Variants in BMP8B observed in about 807,000 individuals in gnomAD.
BMP8B encodes bone morphogenetic protein 8 (osteogenic protein 2).
Under a neutral mutation model 30.3 loss-of-function variants are expected in BMP8B, and 17 were observed. That is an observed-to-expected ratio of 0.56 (90% CI 0.38 to 0.84). The LOEUF is 0.84. Among genes scored for constraint, BMP8B ranks in the 40% least tolerant of loss-of-function variants. The pLI, the probability that BMP8B is intolerant of heterozygous loss-of-function variation, is 0.00. For missense variants in BMP8B, 253 were observed against 494.6 expected, an observed-to-expected ratio of 0.51 and a Z score of 4.63; for synonymous variants, 131 against 214.7, an observed-to-expected ratio of 0.61 and a Z score of 3.41.
rs1032084062 is a variant in BMP8B, at chr1:39,769,571, A to G, written c.673+4737T>C. ...TAAAGTCGCAGCTCTCTAGAGGAGCACTGTCCACCTAGGGAGGAAAGTAGG... is the reference window on the plus strand; with the variant it reads ...TAAAGTCGCAGCTCTCTAGAGGAGCGCTGTCCACCTAGGGAGGAAAGTAGG... On this transcript the variant is annotated intron_variant, in intron 3 of 6. Coordinates refer to ENST00000372827, the MANE Select transcript of BMP8B (RefSeq NM_001720.5). The G allele has an allele frequency of 1.1e-4, 149 of 1,312,646 alleles. 1 individual carries two copies. The highest frequency in any genetic ancestry group is 1.4e-4 in the Non-Finnish European group (140 of 991,832). 81.3% of individuals were successfully genotyped at this position (1,312,646 alleles called of 1,614,324 possible). A position where few individuals can be genotyped will look rare whatever the true frequency, so the allele number is the denominator to read the frequency against.
chr1:39,782,245 T>G, intron 1 of BMP8B, among the ~76,000 whole-genome samples: 1 of 151,472 alleles, frequency 6.6e-6, no homozygotes, highest in East Asian at 1.9e-4. Context: ...AGCGACTCAA[T>G]GCTGAAGAGA....
intron 6 of BMP8B, chr1:39,761,358 T>C (rs965484927): frequency 2.6e-5 from 4 of 152,594 alleles, no homozygotes; most frequent in African/African-American, 9.7e-5. Flanking sequence ...CCCGTCCAGC[T>C]GCCATCACCT....
chr1:39,760,744 G>A (rs1437723725), intron 6 of BMP8B, among the ~76,000 whole-genome samples, 176 bp from the exon 7 acceptor site: 3 of 152,140 alleles, frequency 2.0e-5, no homozygotes, highest in Non-Finnish European at 2.9e-5. Context: ...GGCTCCAGGA[G>A]TGGGAGCTGT....
At chr1:39,763,409 T>TCCCCAGCCG (rs1649309059) in intron 5 of BMP8B, among the ~76,000 whole-genome samples, 2 of 103,098 alleles carry the variant, frequency 1.9e-5, no homozygotes, top group Non-Finnish European at 5.1e-5. Context: ...GGCCCTCCCC[T>TCCCCAGCCG]GCCCACGCCT....
chr1:39,762,486 T>A (rs982644340), intron 6 of BMP8B: 2 of 1,541,396 alleles, frequency 1.3e-6, no homozygotes, highest in Admixed American at 2.0e-5. Flanking sequence ...GCACCAGTGA[T>A]CCCATCAGAA....
intron 1 of BMP8B, among the ~76,000 whole-genome samples, chr1:39,787,681 G>A (rs972777320): frequency 4.6e-5 from 7 of 152,166 alleles, no homozygotes; most frequent in Admixed American, 1.3e-4. Flanking sequence ...GCTCCGCACA[G>A]AGAAGAGCCT....
chr1:39,788,373 G>A lies in BMP8B; in HGVS notation c.113C>T (p.Ala38Val), dbSNP rs1303553839. 27 of 1,126,524 alleles carry A rather than the reference G, an allele frequency of 2.4e-5. No individual in the cohort carries two copies. Among genetic ancestry groups the A allele is most frequent in the Non-Finnish European group, 2.9e-5 (27 of 923,524 alleles). The allele number at this position is 1,126,524 out of a possible 1,614,324, so 69.8% of individuals were successfully genotyped here. A position where few individuals can be genotyped will look rare whatever the true frequency, so the allele number is the denominator to read the frequency against. Residue 38 changes from alanine to valine, a missense_variant, in exon 1 of 7, where the codon GCG becomes GTG. Coordinates refer to ENST00000372827, the MANE Select transcript of BMP8B (RefSeq NM_001720.5). The surrounding 1 kb of genome is among the most constrained non-coding windows in gnomAD (Gnocchi z 5.8). The stretch of plus-strand genomic sequence containing the variant: ...GCGCTGCACGTCCCGGCGCTCGCGC[G>A]CGCCCAGACGTCGCTGGGGACAGCC... The part of the protein sequence containing the change: ...PPGCPQRRLG[A>V]RERRDVQREI...
intron 6 of BMP8B, chr1:39,762,600 A>G (rs770658014): frequency 3.0e-5 from 47 of 1,550,158 alleles, no homozygotes; most frequent in African/African-American, 6.8e-5. Context: ...GGAAAAGCCA[A>G]AAGGTTGAGA....
intron 3 of BMP8B, chr1:39,771,314 GC>G (rs1290839938): frequency 7.1e-7 from 1 of 1,416,828 alleles, no homozygotes; most frequent in Non-Finnish European, 9.2e-7. Context: ...GCCTCGGGCC[GC>G]GCGTCACAGA....
intron 6 of BMP8B, among the ~76,000 whole-genome samples, chr1:39,760,818 T>A (rs1420281498): frequency 6.6e-6 from 1 of 152,108 alleles, no homozygotes; most frequent in Admixed American, 6.5e-5. Flanking sequence ...GGCAAGGCGC[T>A]AATGAGGGGC....
chr1:39,763,198 C>G lies in BMP8B; in HGVS notation c.953G>C (p.Trp318Ser). 1 of 1,611,622 alleles carries G rather than the reference C, an allele frequency of 6.2e-7. No homozygotes were observed. Among genetic ancestry groups the G allele is most frequent in the South Asian group, 1.1e-5 (1 of 90,838 alleles). ...CGAGTAGCCTTGGGGAGCGATGACC[C>G]AGTCCTGGGGGGCAAGGGAGAAGGT... ...VSFQDLGWLDWVIAPQGYSAY... is the reference protein window; with the variant it reads ...VSFQDLGWLDSVIAPQGYSAY... The change falls in exon 6 of 7, where the codon TGG (tryptophan) becomes TCG (serine). Residue 318 changes from tryptophan (W) to serine (S), a missense_variant. Physicochemically the swap from Trp to Ser is radical, Grantham distance 177 (BLOSUM62 -3). This residue lies in a region of BMP8B where 116 missense variants were observed against 142.3 expected (regional missense o/e 0.81). Coordinates refer to ENST00000372827, the MANE Select transcript of BMP8B (RefSeq NM_001720.5).
intron 5 of BMP8B, 43 bp downstream of exon 5, chr1:39,763,669 G>A (rs774203801): frequency 6.4e-7 from 1 of 1,572,362 alleles, no homozygotes; most frequent in Non-Finnish European, 8.7e-7. Flanking sequence ...CTGATCTACA[G>A]GTGGTGATTG....
chr1:39,763,648 C>A lies in BMP8B; in HGVS notation c.948+64G>T. ...TCACCATGATTCTATGTCCTCCCTG[C>A]AGATTCACTTCTGATCTACAGGTGG... On this transcript the variant is annotated intron_variant, in intron 5 of 6. Coordinates refer to ENST00000372827, the MANE Select transcript of BMP8B (RefSeq NM_001720.5). 3.2e-6 allele frequency: 5 copies of A among 1,540,124 alleles called. No homozygotes were observed. The South Asian group carries it at 4.6e-5, about 14-fold the overall frequency.
chr1:39,764,132 T>C (rs148162385), intron 4 of BMP8B, among the ~76,000 whole-genome samples: 1 of 151,952 alleles, frequency 6.6e-6, no homozygotes, highest in Non-Finnish European at 1.5e-5. Flanking sequence ...GCCCACCCTC[T>C]CCTGCCACAC....
At position 39,760,271 on chromosome 1, in the gene BMP8B, A is replaced by G. The variant is rs1648755594; in HGVS notation, c.*148T>C. On this transcript the variant is annotated 3_prime_UTR_variant, in exon 7 of 7. Coordinates refer to ENST00000372827, the MANE Select transcript of BMP8B (RefSeq NM_001720.5). ...GGCAAGGGGAGCATAGGAGCCTGGC[A>G]TGAAGGAGAAAGGGTCATGTACGTG... The G allele has an allele frequency of 3.9e-6, 5 of 1,295,828 alleles. No homozygotes were observed. The highest frequency in any genetic ancestry group is 5.2e-6 in the Non-Finnish European group (5 of 958,264). 80.3% of individuals were successfully genotyped at this position (1,295,828 alleles called of 1,614,324 possible). A position where few individuals can be genotyped will look rare whatever the true frequency, so the allele number is the denominator to read the frequency against.
At chr1:39,770,466 T>C (rs767458770) in intron 3 of BMP8B, 2 of 1,609,952 alleles carry the variant, frequency 1.2e-6, no homozygotes, top group African/African-American at 2.7e-5. Context: ...TCTACATAAA[T>C]GTTAGGAACG....
At chr1:39,778,391 T>C (rs1569846511) in intron 1 of BMP8B, among the ~76,000 whole-genome samples, 1 of 151,078 alleles carries the variant, frequency 6.6e-6, no homozygotes, top group African/African-American at 2.4e-5. Context: ...GCAAAGGCGG[T>C]GGGGCAGGGG....
chr1:39,775,434 C>T (rs1650156861), intron 1 of BMP8B, among the ~76,000 whole-genome samples: 2 of 152,306 alleles, frequency 1.3e-5, no homozygotes, highest in Non-Finnish European at 2.9e-5. Flanking sequence ...CAGAAAAGGG[C>T]CCCAGCCCTG....
chr1:39,760,555 ATCATC>A lies in BMP8B; in HGVS notation c.1068_1072del (p.Met357AlafsTer23). 1.9e-6 allele frequency: 3 copies of A among 1,613,834 alleles called. No homozygotes were observed. Among genetic ancestry groups the A allele is most frequent in the Non-Finnish European group, 2.5e-6 (3 of 1,179,976 alleles). On this transcript the variant is annotated frameshift_variant, in exon 7 of 7. Transcript: ENST00000372827. LOFTEE classifies it high-confidence loss of function. Reference sequence around the variant, plus strand: ...GCACGCCTTGGGGACTGCGTCTGGCATCATCAGGTGCACCTGGCCAGGAAGAGGGC... The same window carrying A: ...GCACGCCTTGGGGACTGCGTCTGGCAAGGTGCACCTGGCCAGGAAGAGGGC...
Sources: gnomAD v4.1 joint callset for allele counts (sites outside exome capture counted in the v4.1 genomes callset) on GRCh38, gnomAD v4.1.1 for gene constraint, gnomAD v4.1.1 regional missense constraint, Gnocchi (gnomAD v3.1) non-coding constraint, MANE v1.5 for transcripts, NCBI Gene and HGNC (gene_info 2026-07-23, HGNC 2026-07-21) for gene names.